Variants in DRC8 observed in about 807,000 individuals in gnomAD.
The protein encoded by DRC8 is dynein regulatory complex protein 8.
chr1:245,119,806 G>A, the DRC8 span, among the ~76,000 whole-genome samples: 2 of 152,128 alleles, frequency 1.3e-5, no homozygotes, highest in Middle Eastern at 3.4e-3. Context: ...GGTGGCAGGT[G>A]CCTGTAGTCC....
the DRC8 span, among the ~76,000 whole-genome samples, chr1:245,043,142 C>T: frequency 3.3e-5 from 5 of 152,076 alleles, no homozygotes; most frequent in South Asian, 2.1e-4. Flanking sequence ...CAAAAGAAAT[C>T]GAATGTTGAC....
the DRC8 span, chr1:245,083,370 A>G: frequency 1.4e-6 from 2 of 1,398,566 alleles, no homozygotes; most frequent in Non-Finnish European, 1.0e-6. Flanking sequence ...AAAGGGTTGG[A>G]GACTGCTGAT....
At chr1:245,112,969 G>T in the DRC8 span, among the ~76,000 whole-genome samples, 2 of 152,068 alleles carry the variant, frequency 1.3e-5, no homozygotes, top group Non-Finnish European at 2.9e-5. Context: ...GGCCAGGTTG[G>T]TCTCGAACTC....
chr1:245,028,602 G>A, the DRC8 span, among the ~76,000 whole-genome samples: 2 of 152,210 alleles, frequency 1.3e-5, no homozygotes, highest in Non-Finnish European at 1.5e-5. Context: ...TGGAAGAGGA[G>A]TTTGTTAAAG....
chr1:244,971,799 CTA>C, the DRC8 span, among the ~76,000 whole-genome samples: 3 of 152,094 alleles, frequency 2.0e-5, no homozygotes, highest in African/African-American at 7.2e-5. Context: ...AACGATCTCT[CTA>C]TTGATAACAA....
the DRC8 span, among the ~76,000 whole-genome samples, chr1:245,106,518 G>A: frequency 2.0e-5 from 3 of 151,382 alleles, no homozygotes; most frequent in African/African-American, 7.3e-5. Context: ...TATTTAAATT[G>A]TATATTTAAA....
chr1:245,092,667 A>G, the DRC8 span, among the ~76,000 whole-genome samples: 1 of 152,180 alleles, frequency 6.6e-6, no homozygotes, highest in African/African-American at 2.4e-5. Flanking sequence ...TATATTTTTA[A>G]TATTCTCAGG....
At chr1:245,001,486 A>G in the DRC8 span, among the ~76,000 whole-genome samples, 1 of 152,152 alleles carries the variant, frequency 6.6e-6, no homozygotes, top group Admixed American at 6.6e-5. Context: ...TTATAGATCT[A>G]TATTTTTGGG....
At chr1:245,006,317 T>G in the DRC8 span, among the ~76,000 whole-genome samples, 13 of 152,116 alleles carry the variant, frequency 8.5e-5, no homozygotes, top group African/African-American at 2.2e-4. Context: ...TATTTATTTA[T>G]TTATTTATTT....
the DRC8 span, among the ~76,000 whole-genome samples, chr1:245,100,138 A>G: frequency 6.6e-6 from 1 of 152,144 alleles, no homozygotes; most frequent in African/African-American, 2.4e-5. Context: ...TAATCCCAGC[A>G]CTTTGGGAGG....
the DRC8 span, among the ~76,000 whole-genome samples, chr1:244,980,041 A>G: frequency 2.3e-4 from 12 of 53,290 alleles, no homozygotes; most frequent in African/African-American, 1.5e-3. Flanking sequence ...CGTCTCTACT[A>G]AAAAAAAAAA....
At chr1:245,104,620 C>T in the DRC8 span, among the ~76,000 whole-genome samples, 1 of 152,260 alleles carries the variant, frequency 6.6e-6, no homozygotes, top group East Asian at 1.9e-4. Flanking sequence ...TCAACAGTTT[C>T]CCTCACCTCC....
chr1:245,073,008 T>C, the DRC8 span, among the ~76,000 whole-genome samples: 1 of 152,224 alleles, frequency 6.6e-6, no homozygotes, highest in Non-Finnish European at 1.5e-5. Context: ...TCAACCTCTT[T>C]TCTTTATAAA....
At chr1:245,116,446 G>A in the DRC8 span, among the ~76,000 whole-genome samples, 1 of 152,080 alleles carries the variant, frequency 6.6e-6, no homozygotes, top group African/African-American at 2.4e-5. Context: ...TAGAAATTAG[G>A]AGGTGACATC....
At chr1:245,015,126 T>G in the DRC8 span, among the ~76,000 whole-genome samples, 1 of 152,212 alleles carries the variant, frequency 6.6e-6, no homozygotes, top group African/African-American at 2.4e-5. Context: ...GACACCTTTT[T>G]CTTTTCTTTG....
the DRC8 span, chr1:245,002,233 G>A: frequency 3.1e-6 from 5 of 1,603,278 alleles, no homozygotes; most frequent in Admixed American, 3.4e-5. Flanking sequence ...GGAACACAGG[G>A]TACAGTGCAT....
chr1:244,986,763 G>A, the DRC8 span, among the ~76,000 whole-genome samples: 1 of 143,594 alleles, frequency 7.0e-6, no homozygotes, highest in Non-Finnish European at 1.5e-5. Flanking sequence ...AAAAAAAAAA[G>A]ATCACTTGCT....
At chr1:245,055,737 T>A in the DRC8 span, among the ~76,000 whole-genome samples, 1 of 152,214 alleles carries the variant, frequency 6.6e-6, no homozygotes, top group African/African-American at 2.4e-5. Flanking sequence ...CCTCATGAAG[T>A]CTGATGACTC....
At chr1:245,107,670 C>T in the DRC8 span, among the ~76,000 whole-genome samples, 6 of 152,190 alleles carry the variant, frequency 3.9e-5, no homozygotes, top group Non-Finnish European at 8.8e-5. Context: ...CTCCACGCTG[C>T]CCTCTCCTGG....
Sources: gnomAD v4.1 joint callset for allele counts (sites outside exome capture counted in the v4.1 genomes callset) on GRCh38, gnomAD v4.1.1 for gene constraint, MANE v1.5 for transcripts, NCBI Gene and HGNC (gene_info 2026-07-23, HGNC 2026-07-21) for gene names.